Variants in ADGRL3 observed in about 807,000 individuals in gnomAD.
The protein encoded by ADGRL3 is adhesion G protein-coupled receptor L3.
Under a neutral mutation model 153.5 loss-of-function variants are expected in ADGRL3, and 62 were observed. The observed-to-expected ratio is 0.40, with a 90% CI of 0.33 to 0.50. The LOEUF is 0.50. ADGRL3 is among the 20% of genes least tolerant of loss of function. The pLI is 0.47. For synonymous variants in ADGRL3, 710 were observed against 672.5 expected (o/e 1.06, Z -0.86); for missense variants, 1,641 against 1,859.4 (o/e 0.88, Z 2.16).
chr4:61,686,066 T>C (rs1368381991), intron 6 of ADGRL3, among the ~76,000 whole-genome samples: 2 of 152,116 alleles, frequency 1.3e-5, no homozygotes, highest in Non-Finnish European at 2.9e-5. Flanking sequence ...AACTTTATTA[T>C]AGACATAAAA....
intron 5 of ADGRL3, among the ~76,000 whole-genome samples, chr4:61,600,337 T>C (rs1579779437): frequency 8.8e-6 from 1 of 113,174 alleles, no homozygotes; most frequent in East Asian, 2.6e-4. Context: ...AGGAAATGAA[T>C]TGGAAATGAG....
intron 4 of ADGRL3, among the ~76,000 whole-genome samples, chr4:61,543,872 T>C (rs1435387682): frequency 1.3e-5 from 2 of 152,236 alleles, no homozygotes; most frequent in African/African-American, 2.4e-5. Context: ...TATTCCATTA[T>C]TTGAATATTT....
Position 62,030,873 on chromosome 4 carries a change from C to G in ADGRL3, c.3423-569C>G, listed in dbSNP as rs182105791. ...TACTTTTTCCATCTACTATCCCTCACGCTTAGTCTTTATAAATATAGAATT... is the reference window on the plus strand; with the variant it reads ...TACTTTTTCCATCTACTATCCCTCAGGCTTAGTCTTTATAAATATAGAATT... On this transcript the variant is annotated intron_variant, in intron 22 of 26. Transcript: ENST00000683033. Among the ~76,000 whole-genome samples the G allele has an allele frequency of 2.0e-5, 3 of 151,466 alleles. No individual in the cohort carries two copies. In the South Asian group the frequency reaches 6.2e-4, roughly 31 times the overall value.
intron 2 of ADGRL3, among the ~76,000 whole-genome samples, chr4:61,440,382 C>T (rs1003821870): frequency 3.9e-5 from 6 of 152,176 alleles, no homozygotes; most frequent in East Asian, 1.9e-4. Context: ...GTGGTTCTTG[C>T]GTTTTGACTA....
chr4:61,606,456 A>C (rs1052566927), intron 5 of ADGRL3, among the ~76,000 whole-genome samples: 1 of 152,166 alleles, frequency 6.6e-6, no homozygotes, highest in Non-Finnish European at 1.5e-5. Flanking sequence ...GGTATTGTCA[A>C]GGCCTTTCCT....
At chr4:61,207,098 G>A (rs1016931964) in intron 1 of ADGRL3, among the ~76,000 whole-genome samples, 3 of 152,040 alleles carry the variant, frequency 2.0e-5, no homozygotes, top group Non-Finnish European at 4.4e-5. Context: ...ATGTGCAGAT[G>A]TGCAGGTTTG....
chr4:61,928,886 T>A (rs1389914230), intron 13 of ADGRL3, among the ~76,000 whole-genome samples: 2 of 152,138 alleles, frequency 1.3e-5, no homozygotes, highest in Non-Finnish European at 2.9e-5. Context: ...TAAAAGTAAC[T>A]TACCTTTGTG....
chr4:61,491,489 G>A (rs1246262597), intron 2 of ADGRL3, among the ~76,000 whole-genome samples: 1 of 152,100 alleles, frequency 6.6e-6, no homozygotes, highest in Non-Finnish European at 1.5e-5. Flanking sequence ...CGATTACTTT[G>A]TTGCTCTGAT....
rs890885363 is a variant in ADGRL3 at position 61,933,989 on chromosome 4, A to G, written c.2113-851A>G. 16 of 152,172 alleles carry G rather than the reference A, an allele frequency of 1.1e-4. 1 individual carries two copies. Among genetic ancestry groups the G allele is most frequent in the African/African-American group, 3.6e-4 (15 of 41,438 alleles). The allele number at this position is 152,172 out of a possible 1,614,324, so 9.4% of individuals were successfully genotyped here. Reference sequence around the variant, plus strand: ...GTATTTTTCTGTTTTGCAATTCTCTATGTTTGAATGAAACCCAAGACCTTA... The same window carrying G: ...GTATTTTTCTGTTTTGCAATTCTCTGTGTTTGAATGAAACCCAAGACCTTA... On this transcript the variant is annotated intron_variant, in intron 13 of 26. Transcript: ENST00000683033.
intron 21 of ADGRL3, among the ~76,000 whole-genome samples, chr4:62,015,001 T>C (rs1014360147): frequency 2.6e-5 from 4 of 152,222 alleles, no homozygotes; most frequent in Non-Finnish European, 5.9e-5. Flanking sequence ...ATTTTTTCTT[T>C]ACCTCATTTG....
At position 61,221,208 on chromosome 4, in the gene ADGRL3, C is replaced by T. The variant is rs146647253; in HGVS notation, c.-240+19443C>T. ...ATAATTAGGGACTATAATTAAATAA[C>T]ATTTAGCAAATGTATTGGATATTAT... On this transcript the variant is annotated intron_variant, in intron 1 of 26. Coordinates refer to ENST00000683033, the MANE Select transcript of ADGRL3 (RefSeq NM_001387552.1). Among the ~76,000 whole-genome samples the T allele has an allele frequency of 1.2e-4, 18 of 152,184 alleles. No individual in the cohort carries two copies. In the East Asian group the frequency reaches 3.5e-3, roughly 29 times the overall value.
chr4:61,491,576 A>G (rs373156403), intron 2 of ADGRL3, among the ~76,000 whole-genome samples: 9 of 152,156 alleles, frequency 5.9e-5, no homozygotes, highest in Non-Finnish European at 1.0e-4. Context: ...TTTGTAATTT[A>G]TATCATTTCT....
chr4:61,591,199 G>T (rs79431165), intron 5 of ADGRL3, among the ~76,000 whole-genome samples: 1,643 of 152,160 alleles, frequency 0.011, 27 homozygotes, highest in African/African-American at 0.037. Context: ...TATACTTTTT[G>T]TCCGGCTTCT....
chr4:61,474,447 C>T (rs930321836), intron 2 of ADGRL3, among the ~76,000 whole-genome samples: 5 of 152,048 alleles, frequency 3.3e-5, no homozygotes, highest in Non-Finnish European at 5.9e-5. Context: ...GCTTGTAGGA[C>T]ACTGAGGTAA....
Position 61,230,678 on chromosome 4 carries a change from C to T in ADGRL3, c.-240+28913C>T, listed in dbSNP as rs542538855. 1.2e-4 allele frequency among the ~76,000 whole-genome samples: 18 copies of T among 152,244 alleles called. No individual in the cohort carries two copies. The South Asian group carries it at 1.7e-3, about 14-fold the overall frequency. On this transcript the variant is annotated intron_variant, in intron 1 of 26. Transcript: ENST00000683033. ...GGAATTACAAGTGTGAGCCACTGTG[C>T]GTAGCCTGTGGCTTATGTTTACAAA...
At chr4:61,301,869 G>A (rs1224762538) in intron 1 of ADGRL3, among the ~76,000 whole-genome samples, 1 of 152,160 alleles carries the variant, frequency 6.6e-6, no homozygotes, top group Non-Finnish European at 1.5e-5. Flanking sequence ...GTGAATTTTA[G>A]TGCTATTACC....
intron 25 of ADGRL3, chr4:62,063,465 T>TC: frequency 4.3e-6 from 1 of 230,920 alleles, no homozygotes; most frequent in East Asian, 9.2e-5. Flanking sequence ...CTGATTGACC[T>TC]TTTTTTTTTT....
Position 61,497,288 on chromosome 4 carries a change from A to G in ADGRL3, c.-6A>G, listed in dbSNP as rs747162650. 19 of 1,586,138 alleles carry G rather than the reference A, an allele frequency of 1.2e-5. No homozygotes were observed. The highest frequency in any genetic ancestry group is 1.6e-5 in the Non-Finnish European group (19 of 1,160,688). On this transcript the variant is annotated 5_prime_UTR_variant, in exon 3 of 27. Coordinates refer to ENST00000683033, the MANE Select transcript of ADGRL3 (RefSeq NM_001387552.1). ...TGAGGAATACTCCATACCTGAGTAG[A>G]CAGCCATGTGGCCATCGCAGCTACT...
intron 2 of ADGRL3, among the ~76,000 whole-genome samples, chr4:61,484,963 G>A (rs890514802): frequency 2.0e-5 from 3 of 152,028 alleles, no homozygotes; most frequent in Non-Finnish European, 2.9e-5. Context: ...TACCATGTTA[G>A]CTATTGATTT....
Sources: gnomAD v4.1 joint callset for allele counts (sites outside exome capture counted in the v4.1 genomes callset) on GRCh38, gnomAD v4.1.1 for gene constraint, MANE v1.5 for transcripts, NCBI Gene and HGNC (gene_info 2026-07-23, HGNC 2026-07-21) for gene names.